NRG3: variants seen among roughly 807,000 people sequenced by gnomAD.
NRG3 encodes pro-neuregulin-3, membrane-bound isoform.
In NRG3, 31 loss-of-function variants were observed where a neutral mutation model predicts 66.9. The observed-to-expected ratio is 0.46, with a 90% confidence interval of 0.35 to 0.63. The LOEUF (loss-of-function observed/expected upper bound fraction) is 0.63. NRG3 is among the 20% of genes least tolerant of loss of function. NRG3 has a pLI of 0.00. For synonymous variants in NRG3, 393 were observed against 359.4 expected, an observed-to-expected ratio of 1.09 and a Z score of -1.06; for missense variants, 910 against 878.9, an observed-to-expected ratio of 1.04 and a Z score of -0.45.
At chr10:82,381,801 A>G (rs1181949219) in intron 2 of NRG3, among the ~76,000 whole-genome samples, 1 of 152,170 alleles carries the variant, frequency 6.6e-6, no homozygotes, top group African/African-American at 2.4e-5. Context: ...ACAAACTGGA[A>G]CACATGGTCA....
At chr10:82,098,386 T>C (rs2066510032) in intron 1 of NRG3, among the ~76,000 whole-genome samples, 1 of 152,032 alleles carries the variant, frequency 6.6e-6, no homozygotes, top group African/African-American at 2.4e-5. Flanking sequence ...AATGAGGCTT[T>C]CTGGAGCAGA....
At chr10:82,853,642 A>G (rs1835705095) in intron 3 of NRG3, among the ~76,000 whole-genome samples, 2 of 152,286 alleles carry the variant, frequency 1.3e-5, no homozygotes, top group Admixed American at 6.5e-5. Flanking sequence ...ATTTGTGTAC[A>G]TTAATTTTGT....
At chr10:81,969,912 A>T (rs914515387) in intron 1 of NRG3, among the ~76,000 whole-genome samples, 3 of 152,082 alleles carry the variant, frequency 2.0e-5, no homozygotes, top group Admixed American at 2.0e-4. Context: ...AACATTTGTC[A>T]CAAGATATTG....
intron 1 of NRG3, among the ~76,000 whole-genome samples, chr10:82,277,785 C>T (rs1448576567): frequency 1.3e-5 from 2 of 152,046 alleles, no homozygotes; most frequent in African/African-American, 4.8e-5. Flanking sequence ...TATGCTTTAG[C>T]TGGATTCCAG....
chr10:82,218,442 T>C (rs1179702884), intron 1 of NRG3, among the ~76,000 whole-genome samples: 1 of 152,214 alleles, frequency 6.6e-6, no homozygotes, highest in Admixed American at 6.5e-5. Context: ...CTGTTGGGAT[T>C]CAGTTCTGTT....
At position 82,047,816 on chromosome 10, in the gene NRG3, G is replaced by A. The variant is rs541271368; in HGVS notation, c.823+171653G>A. Among the ~76,000 whole-genome samples, 4 of 152,088 alleles carry A rather than the reference G, an allele frequency of 2.6e-5. No homozygotes were observed. In the South Asian group the frequency reaches 6.2e-4, roughly 24 times the overall value. On this transcript the variant is annotated intron_variant, in intron 1 of 8. Transcript: ENST00000372141. ...AAGACACAGACTGGCAAATTGGATAGAGTCAATACCCATCAGTGTGCTATA... is the reference window on the plus strand; with the variant it reads ...AAGACACAGACTGGCAAATTGGATAAAGTCAATACCCATCAGTGTGCTATA...
rs79448095 is a variant in NRG3, at chr10:81,981,446, C to A, written c.823+105283C>A. Among the ~76,000 whole-genome samples, 943 of 152,322 alleles carry A rather than the reference C, an allele frequency of 6.2e-3. 5 individuals carry two copies. Among genetic ancestry groups the A allele is most frequent in the African/African-American group, 0.021 (882 of 41,584 alleles). ...CTGTTTGGCTTAATGCCCTGCGCTC[C>A]AGGCCCACTGGGGTGGTGGCTCTGC... On this transcript the variant is annotated intron_variant, in intron 1 of 8. Coordinates refer to ENST00000372141, the MANE Select transcript of NRG3 (RefSeq NM_001010848.4).
At chr10:82,006,979 G>A (rs1039233479) in intron 1 of NRG3, among the ~76,000 whole-genome samples, 1 of 152,004 alleles carries the variant, frequency 6.6e-6, no homozygotes, top group Admixed American at 6.6e-5. Context: ...ATAGGATTTG[G>A]TTAGAATTGC....
intron 2 of NRG3, among the ~76,000 whole-genome samples, chr10:82,602,115 G>T (rs1365103402): frequency 6.6e-6 from 1 of 151,334 alleles, no homozygotes; most frequent in African/African-American, 2.4e-5. Flanking sequence ...AAATAAAGTG[G>T]TTTGAACTTA....
intron 2 of NRG3, among the ~76,000 whole-genome samples, chr10:82,399,348 T>A (rs543357494): frequency 6.6e-6 from 1 of 152,212 alleles, no homozygotes; most frequent in East Asian, 1.9e-4. Flanking sequence ...TTTCTTAAGA[T>A]GTCAGAAGAA....
At chr10:82,268,698 G>A (rs11193295) in intron 1 of NRG3, among the ~76,000 whole-genome samples, 21,366 of 151,902 alleles carry the variant, frequency 0.14, 1,608 homozygotes, top group East Asian at 0.22. Flanking sequence ...GTTTAGTTAT[G>A]TTTTGTTTTC....
intron 1 of NRG3, among the ~76,000 whole-genome samples, chr10:82,302,710 A>G (rs1408561343): frequency 2.0e-5 from 3 of 152,192 alleles, no homozygotes; most frequent in Non-Finnish European, 4.4e-5. Flanking sequence ...CTTGCAAACA[A>G]ACTAGCCAGG....
intron 4 of NRG3, among the ~76,000 whole-genome samples, chr10:82,912,607 G>A (rs994605039): frequency 6.6e-6 from 1 of 151,976 alleles, no homozygotes; most frequent in Non-Finnish European, 1.5e-5. Context: ...AATATACTTC[G>A]ACAATTGCTT....
chr10:82,651,610 A>G (rs1591027339), intron 2 of NRG3, among the ~76,000 whole-genome samples: 1 of 152,212 alleles, frequency 6.6e-6, no homozygotes, highest in Admixed American at 6.5e-5. Flanking sequence ...AGCAGTCGTG[A>G]GTGTGCCATT....
intron 2 of NRG3, among the ~76,000 whole-genome samples, chr10:82,523,785 CT>C (rs1314766566): frequency 6.6e-6 from 1 of 152,104 alleles, no homozygotes; most frequent in Non-Finnish European, 1.5e-5. Flanking sequence ...CAAAGAAGGA[CT>C]TCTCTCACTG....
intron 6 of NRG3, 104 bp from the exon 7 acceptor site, chr10:82,973,684 A>G: frequency 1.6e-6 from 2 of 1,264,492 alleles, no homozygotes; most frequent in Non-Finnish European, 2.3e-6. Context: ...TCAGGTGACC[A>G]GGAGGAACTG....
In NRG3 at chr10:82,321,301, T is replaced by TGGGGG. The variant is rs373044749; in HGVS notation, c.824-37437_824-37433dup. ...CCTGTCACACATCCTGTGGCAGGGG[T>TGGGGG]GGGGGTGGGGGTCAGGGAACTCTCC... is the stretch of plus-strand genomic sequence containing the variant. On this transcript the variant is annotated intron_variant, in intron 1 of 8. Transcript: ENST00000372141. 7.2e-4 allele frequency among the ~76,000 whole-genome samples: 100 copies of TGGGGG among 137,954 alleles called. 1 individual carries two copies. The highest frequency in any genetic ancestry group is 3.7e-3 in the Middle Eastern group (1 of 268). 90.5% of individuals were successfully genotyped at this position (137,954 alleles called of 152,430 possible).
At chr10:82,237,755 A>G (rs1741383040) in intron 1 of NRG3, among the ~76,000 whole-genome samples, 1 of 152,170 alleles carries the variant, frequency 6.6e-6, no homozygotes, top group Non-Finnish European at 1.5e-5. Flanking sequence ...CTGCGAGTAT[A>G]CCAATGATTT....
At chr10:82,957,893 C>CGTGTGTGTGT (rs10547101) in intron 5 of NRG3, among the ~76,000 whole-genome samples, 5 of 149,566 alleles carry the variant, frequency 3.3e-5, no homozygotes, top group South Asian at 4.2e-4. Flanking sequence ...AAGAGGTGTG[C>CGTGTGTGTGT]GTGTGTGTGT....
Sources: gnomAD v4.1 joint callset for allele counts (sites outside exome capture counted in the v4.1 genomes callset) on GRCh38, gnomAD v4.1.1 for gene constraint, MANE v1.5 for transcripts, NCBI Gene and HGNC (gene_info 2026-07-23, HGNC 2026-07-21) for gene names.